The following IMMP1L variants were observed in gnomAD, a reference collection of about 807,000 sequenced individuals.
IMMP1L encodes the protein mitochondrial inner membrane protease subunit 1.
A neutral mutation model predicts 21.8 loss-of-function variants in IMMP1L; 24 were observed. The ratio of observed to expected loss-of-function variants is 1.10; its 90% confidence interval spans 0.80 to 1.55. The LOEUF (loss-of-function observed/expected upper bound fraction) is 1.55, where lower values mean the gene tolerates loss of function less well. IMMP1L is among the 40% of genes most tolerant of loss of function. IMMP1L has a pLI of 0.00. For synonymous variants in IMMP1L, 46 were observed against 62.8 expected, an observed-to-expected ratio of 0.73 and a Z score of 1.26; for missense variants, 195 against 200.7, an observed-to-expected ratio of 0.97 and a Z score of 0.17.
intron 4 of IMMP1L, among the ~76,000 whole-genome samples, chr11:31,447,964 T>C (rs1004618589): frequency 5.3e-5 from 8 of 151,930 alleles, no homozygotes; most frequent in Non-Finnish European, 1.0e-4. Context: ...CAAAAGGGAG[T>C]TGAATATATT....
At chr11:31,487,137 AAAGG>A (rs1333000620) in intron 1 of IMMP1L, among the ~76,000 whole-genome samples, 1 of 151,892 alleles carries the variant, frequency 6.6e-6, no homozygotes, top group African/African-American at 2.4e-5. Flanking sequence ...ATTTTTATAA[AAAGG>A]AAGGATTCCT....
At chr11:31,500,752 CA>C (rs1349089414) in intron 1 of IMMP1L, among the ~76,000 whole-genome samples, 2 of 151,934 alleles carry the variant, frequency 1.3e-5, no homozygotes, top group Non-Finnish European at 2.9e-5. Flanking sequence ...GCCCATGAGT[CA>C]AATTCAGCAG....
At chr11:31,485,765 G>A (rs1592020954) in intron 1 of IMMP1L, among the ~76,000 whole-genome samples, 2 of 151,984 alleles carry the variant, frequency 1.3e-5, no homozygotes, top group East Asian at 3.9e-4. Context: ...GGACAAAAAA[G>A]CTTATCAGGC....
chr11:31,463,086 A>C, intron 2 of IMMP1L, 86 bp downstream of exon 2: 6 of 1,009,514 alleles, frequency 5.9e-6, no homozygotes, highest in Non-Finnish European at 8.5e-6. Flanking sequence ...AACTTCAACT[A>C]GGTTTTCAAA....
rs1955931928 is a variant in IMMP1L at position 31,509,602 on chromosome 11, C to T, written c.-113G>A. 1 of 651,972 alleles carries T rather than the reference C, an allele frequency of 1.5e-6. No individual in the cohort carries two copies. Among genetic ancestry groups the T allele is most frequent in the Non-Finnish European group, 2.6e-6 (1 of 383,290 alleles). The allele number at this position is 651,972 out of a possible 1,614,324, so 40.4% of individuals were successfully genotyped here. A position where few individuals can be genotyped will look rare whatever the true frequency, so the allele number is the denominator to read the frequency against. ...CTGGGCCCCGCCGAAGTCGACCGTCCTTTCGTAGGGCGCACTTTTCAGCAA... is the reference window on the plus strand; with the variant it reads ...CTGGGCCCCGCCGAAGTCGACCGTCTTTTCGTAGGGCGCACTTTTCAGCAA... On this transcript the variant is annotated 5_prime_UTR_variant, in exon 1 of 6. Coordinates refer to ENST00000532287, the MANE Select transcript of IMMP1L (RefSeq NM_001304274.2).
chr11:31,506,551 C>G (rs990214194), intron 1 of IMMP1L, among the ~76,000 whole-genome samples: 2 of 151,592 alleles, frequency 1.3e-5, no homozygotes, highest in African/African-American at 4.9e-5. Flanking sequence ...TTTAACTCTT[C>G]CTTTCCATGA....
At chr11:31,488,909 AT>A (rs1468979742) in intron 1 of IMMP1L, among the ~76,000 whole-genome samples, 4 of 151,552 alleles carry the variant, frequency 2.6e-5, no homozygotes, top group Non-Finnish European at 5.9e-5. Context: ...TTATTTATTA[AT>A]TTTTGAGGCG....
chr11:31,436,696 T>C (rs1198541970), intron 4 of IMMP1L, among the ~76,000 whole-genome samples: 2 of 151,870 alleles, frequency 1.3e-5, no homozygotes, highest in Non-Finnish European at 2.9e-5. Context: ...CCTCCCAGAG[T>C]GGTGGGATTA....
chr11:31,477,465 A>G, intron 1 of IMMP1L: 1 of 755,680 alleles, frequency 1.3e-6, no homozygotes, highest in Non-Finnish European at 1.6e-6. Context: ...GTTACATATT[A>G]TAAATAATAA....
chr11:31,469,532 T>C (rs189817480), intron 1 of IMMP1L, among the ~76,000 whole-genome samples: 26 of 152,166 alleles, frequency 1.7e-4, no homozygotes, highest in African/African-American at 6.0e-4. Context: ...ACAAGTGAAC[T>C]GGAATGCAAG....
chr11:31,437,677 A>G (rs187455791), intron 4 of IMMP1L, among the ~76,000 whole-genome samples: 2 of 152,254 alleles, frequency 1.3e-5, no homozygotes, highest in East Asian at 3.9e-4. Flanking sequence ...GTACATACCC[A>G]TCTAACCACA....
At chr11:31,481,381 T>G (rs1385131081) in intron 1 of IMMP1L, among the ~76,000 whole-genome samples, 1 of 152,086 alleles carries the variant, frequency 6.6e-6, no homozygotes, top group Non-Finnish European at 1.5e-5. Context: ...ATTTGATGCT[T>G]TAAACTAAAA....
intron 4 of IMMP1L, among the ~76,000 whole-genome samples, chr11:31,455,366 A>G (rs1387868175): frequency 6.6e-6 from 1 of 152,204 alleles, no homozygotes; most frequent in Non-Finnish European, 1.5e-5. Flanking sequence ...TCAAGTAAGA[A>G]GAGTATATGC....
intron 1 of IMMP1L, among the ~76,000 whole-genome samples, chr11:31,481,624 C>CA (rs1954893172): frequency 6.6e-6 from 1 of 151,814 alleles, no homozygotes; most frequent in African/African-American, 2.4e-5. Flanking sequence ...CACTTTTCTA[C>CA]AACATCATAG....
intron 1 of IMMP1L, among the ~76,000 whole-genome samples, chr11:31,506,757 T>A (rs1242198350): frequency 6.6e-6 from 1 of 150,558 alleles, no homozygotes; most frequent in Non-Finnish European, 1.5e-5. Context: ...GTCAAGAGAT[T>A]GAGACCATCC....
chr11:31,436,378 C>A (rs1953117910), intron 4 of IMMP1L, among the ~76,000 whole-genome samples: 1 of 152,170 alleles, frequency 6.6e-6, no homozygotes, highest in Admixed American at 6.5e-5. Flanking sequence ...TTAGCTAGGT[C>A]ACTTTTGTAG....
intron 1 of IMMP1L, among the ~76,000 whole-genome samples, chr11:31,481,542 AT>A (rs1410949424): frequency 8.6e-5 from 13 of 151,932 alleles, no homozygotes; most frequent in African/African-American, 2.9e-4. Context: ...AAATTAAGTA[AT>A]ATAATAATCA....
intron 4 of IMMP1L, among the ~76,000 whole-genome samples, chr11:31,438,687 G>A (rs2133551809): frequency 6.6e-6 from 1 of 152,218 alleles, no homozygotes; most frequent in Middle Eastern, 3.4e-3. Context: ...ATGATGTGAA[G>A]TATTTGTTGC....
At chr11:31,491,124 T>C (rs1033061397) in intron 1 of IMMP1L, among the ~76,000 whole-genome samples, 1 of 152,226 alleles carries the variant, frequency 6.6e-6, no homozygotes, top group African/African-American at 2.4e-5. Flanking sequence ...TCATTTGTTA[T>C]GGTAATTTTA....
Sources: allele counts gnomAD v4.1 joint callset (sites outside exome capture counted in the v4.1 genomes callset), GRCh38; gene constraint gnomAD v4.1.1; transcripts MANE v1.5; gene names NCBI Gene and HGNC (gene_info 2026-07-23, HGNC 2026-07-21).